The following STAG1 variants were observed in gnomAD, a reference collection of about 807,000 sequenced individuals.
STAG1 encodes cohesin subunit SA-1.
STAG1 carries 26 observed loss-of-function variants against 170.9 expected under a neutral mutation model. The observed-to-expected ratio is 0.15, with a 90% CI of 0.11 to 0.21. STAG1 has a LOEUF of 0.21. Ranked by LOEUF, STAG1 falls within the 10% of genes least tolerant of loss-of-function variation. The pLI is 1.00. For synonymous variants in STAG1, 514 were observed against 497.7 expected (o/e 1.03, Z -0.44); for missense variants, 964 against 1,509.5 (o/e 0.64, Z 5.99).
At chr3:136,340,451 A>G in intron 32 of STAG1, 40 bp downstream of exon 32, 2 of 1,325,960 alleles carry the variant, frequency 1.5e-6, no homozygotes, top group South Asian at 2.3e-5. Flanking sequence ...CAATGCCCCC[A>G]CATATTTTAA....
chr3:136,365,032 A>G (rs1202584374), intron 25 of STAG1, among the ~76,000 whole-genome samples: 1 of 152,212 alleles, frequency 6.6e-6, no homozygotes, highest in Non-Finnish European at 1.5e-5. Flanking sequence ...AGGAAAAGCC[A>G]CATAGCCATA....
intron 4 of STAG1, among the ~76,000 whole-genome samples, chr3:136,572,453 T>A (rs1342664921): frequency 1.3e-5 from 2 of 150,224 alleles, no homozygotes; most frequent in Non-Finnish European, 3.0e-5. Flanking sequence ...ATTAGTCAGG[T>A]GTGGTGGTGC....
At chr3:136,662,153 CTT>C (rs398082483) in intron 1 of STAG1, among the ~76,000 whole-genome samples, 15 of 141,068 alleles carry the variant, frequency 1.1e-4, no homozygotes, top group South Asian at 2.3e-4. Flanking sequence ...CAGTTAGACT[CTT>C]TTTTTTTTTT....
At chr3:136,516,322 A>G (rs1576552975) in intron 7 of STAG1, among the ~76,000 whole-genome samples, 1 of 152,198 alleles carries the variant, frequency 6.6e-6, no homozygotes, top group Admixed American at 6.6e-5. Flanking sequence ...CATGGGCAAC[A>G]TGGCGAAATC....
intron 1 of STAG1, among the ~76,000 whole-genome samples, chr3:136,639,645 C>T (rs7644346): frequency 0.36 from 54,782 of 151,996 alleles, 11,140 homozygotes; most frequent in African/African-American, 0.55. Context: ...ACAGTACTTA[C>T]GAGAAAACTG....
At chr3:136,383,360 C>G (rs1428486504) in intron 22 of STAG1, among the ~76,000 whole-genome samples, 1 of 152,140 alleles carries the variant, frequency 6.6e-6, no homozygotes, top group African/African-American at 2.4e-5. Context: ...AAAATTAGCA[C>G]ACTTACTATG....
chr3:136,463,935 A>G (rs2089367940), intron 13 of STAG1, among the ~76,000 whole-genome samples: 1 of 148,924 alleles, frequency 6.7e-6, no homozygotes, highest in Non-Finnish European at 1.5e-5. Context: ...AAAATGATTT[A>G]AAGAATGAGT....
intron 6 of STAG1, among the ~76,000 whole-genome samples, chr3:136,535,900 T>A (rs953972640): frequency 6.6e-6 from 1 of 152,208 alleles, no homozygotes; most frequent in Non-Finnish European, 1.5e-5. Flanking sequence ...ATTCCTACTA[T>A]CTGGCTTTAG....
chr3:136,391,138 C>A (rs1418252743), intron 22 of STAG1, among the ~76,000 whole-genome samples: 1 of 152,168 alleles, frequency 6.6e-6, no homozygotes, highest in Non-Finnish European at 1.5e-5. Flanking sequence ...GGTATATTGA[C>A]TTTCTTTGAC....
intron 9 of STAG1, among the ~76,000 whole-genome samples, chr3:136,478,927 C>A (rs1430593429): frequency 6.6e-6 from 1 of 151,964 alleles, no homozygotes; most frequent in Non-Finnish European, 1.5e-5. Flanking sequence ...TTCCTCATCT[C>A]TAAAATAGTG....
chr3:136,371,217 G>A (rs1411389936), intron 23 of STAG1, among the ~76,000 whole-genome samples: 1 of 152,000 alleles, frequency 6.6e-6, no homozygotes, highest in East Asian at 1.9e-4. Flanking sequence ...TTTTTTTCTT[G>A]TAAATCTGTC....
At chr3:136,355,060 A>G (rs1936592874) in intron 28 of STAG1, among the ~76,000 whole-genome samples, 1 of 152,050 alleles carries the variant, frequency 6.6e-6, no homozygotes, top group Non-Finnish European at 1.5e-5. Flanking sequence ...ACAATTAAAA[A>G]TGTATGTACA....
chr3:136,747,047 G>A (rs1348346539), intron 1 of STAG1, among the ~76,000 whole-genome samples: 5 of 134,038 alleles, frequency 3.7e-5, no homozygotes, highest in Admixed American at 1.7e-4. Flanking sequence ...AGTGAGCCGA[G>A]ATTGCACCAC....
At chr3:136,710,883 C>T (rs1943363951) in intron 1 of STAG1, among the ~76,000 whole-genome samples, 1 of 151,842 alleles carries the variant, frequency 6.6e-6, no homozygotes, top group South Asian at 2.1e-4. Context: ...AGGAAAATGA[C>T]ACCATCAGAA....
At chr3:136,725,900 C>T (rs746139847) in intron 1 of STAG1, among the ~76,000 whole-genome samples, 16 of 152,318 alleles carry the variant, frequency 1.1e-4, no homozygotes, top group African/African-American at 2.6e-4. Context: ...TCACAAATCA[C>T]TCAATTATTA....
rs749393643 is a variant in STAG1, at chr3:136,357,709, G to C, written c.3065+11C>G. On this transcript the variant is annotated intron_variant, in intron 28 of 33. Transcript: ENST00000383202. ...TTATAAAAACCACTTCTCTTGTAAT[G>C]TGCAACTTACACTGTCTTTTTGTCC... 3.2e-6 allele frequency: 5 copies of C among 1,580,420 alleles called. No individual in the cohort carries two copies. The highest frequency in any genetic ancestry group is 4.3e-6 in the Non-Finnish European group (5 of 1,171,344).
At chr3:136,690,058 A>AAAAAAAAAAAAAAAAAAAAAAT (rs1942671025) in intron 1 of STAG1, among the ~76,000 whole-genome samples, 1 of 101,494 alleles carries the variant, frequency 9.9e-6, no homozygotes, top group African/African-American at 5.7e-5. Flanking sequence ...AAGCAAACCA[A>AAAAAAAAAAAAAAAAAAAAAAT]AAAAAAAAAA....
chr3:136,510,613 G>GTTTT (rs869278058), intron 7 of STAG1, among the ~76,000 whole-genome samples: 2 of 131,216 alleles, frequency 1.5e-5, no homozygotes, highest in Admixed American at 7.8e-5. Context: ...GGATGTCTTT[G>GTTTT]TTTTTTTTTT....
Position 136,340,540 on chromosome 3 carries a change from T to A in STAG1, c.3623A>T (p.Gln1208Leu). ...FEDVMMSSRS[Q>L]LEDMNEEFED... The stretch of plus-strand genomic sequence containing the variant: ...AAATTCTTCATTCATATCTTCTAAC[T>A]GGCTTCGGGATGACATCATCACATC... The change falls in exon 32 of 34, where the codon CAG (glutamine) becomes CTG (leucine). Residue 1208 changes from glutamine (Q) to leucine (L), a missense_variant. Around this residue, in one of 11 missense-constraint regions of STAG1, gnomAD observed 59 missense variants for 104.2 expected, o/e 0.57. Transcript: ENST00000383202. 1 of 1,613,996 alleles carries A rather than the reference T, an allele frequency of 6.2e-7. No individual in the cohort carries two copies. Among genetic ancestry groups the A allele is most frequent in the Non-Finnish European group, 8.5e-7 (1 of 1,179,826 alleles).
Sources: gnomAD v4.1 joint callset for allele counts (sites outside exome capture counted in the v4.1 genomes callset) on GRCh38, gnomAD v4.1.1 for gene constraint, gnomAD v4.1.1 regional missense constraint, MANE v1.5 for transcripts, NCBI Gene and HGNC (gene_info 2026-07-23, HGNC 2026-07-21) for gene names.